Variants in STK33 observed in about 807,000 individuals in gnomAD.
STK33 encodes serine/threonine kinase 33.
STK33 carries 52 observed loss-of-function variants against 58.0 expected under a neutral mutation model. The ratio of observed to expected loss-of-function variants is 0.90; its 90% CI spans 0.72 to 1.13. The LOEUF (loss-of-function observed/expected upper bound fraction) is 1.13. Among genes scored for constraint, STK33 ranks in the 50% most tolerant of loss-of-function variants. The pLI, the probability that STK33 is intolerant of heterozygous loss-of-function variation, is 0.00. For synonymous variants in STK33, 215 were observed against 200.1 expected (o/e 1.07, Z -0.63); for missense variants, 630 against 604.2 (o/e 1.04, Z -0.45).
intron 15 of STK33, among the ~76,000 whole-genome samples, chr11:8,394,107 C>G (rs1033039338): frequency 6.6e-6 from 1 of 152,078 alleles, no homozygotes; most frequent in African/African-American, 2.4e-5. Flanking sequence ...CCTAAGCAAA[C>G]TTCTGGGTTA....
chr11:8,480,870 C>T (rs1949738818), intron 1 of STK33, among the ~76,000 whole-genome samples: 1 of 152,056 alleles, frequency 6.6e-6, no homozygotes, highest in Non-Finnish European at 1.5e-5. Context: ...GAATCTTAAT[C>T]CAATAAGCAA....
intron 1 of STK33, among the ~76,000 whole-genome samples, chr11:8,516,870 G>A (rs1952841248): frequency 6.6e-6 from 1 of 152,198 alleles, no homozygotes; most frequent in Non-Finnish European, 1.5e-5. Context: ...ACAGCTCAAG[G>A]AGGCCTGCCT....
chr11:8,335,164 CCTCGGG>C, the STK33 span, among the ~76,000 whole-genome samples: 8 of 152,306 alleles, frequency 5.3e-5, no homozygotes, highest in African/African-American at 1.9e-4. Context: ...GCCAGAAGTG[CCTCGGG>C]CTGAGGGGGA....
chr11:8,354,770 T>C, the STK33 span, among the ~76,000 whole-genome samples: 1 of 152,222 alleles, frequency 6.6e-6, no homozygotes, highest in Non-Finnish European at 1.5e-5. Context: ...AGAGGAGTGC[T>C]GCAAGACTTG....
chr11:8,369,669 G>A, the STK33 span, among the ~76,000 whole-genome samples: 1 of 152,132 alleles, frequency 6.6e-6, no homozygotes, highest in Non-Finnish European at 1.5e-5. Flanking sequence ...TGATGCCGGA[G>A]CTTAGCAGGC....
chr11:8,424,082 C>A (rs6578964), intron 14 of STK33, among the ~76,000 whole-genome samples: 85,234 of 148,804 alleles, frequency 0.57, 25,075 homozygotes, highest in South Asian at 0.7. Flanking sequence ...TGGTGTGCTG[C>A]ACCCATTAAC....
intron 1 of STK33, among the ~76,000 whole-genome samples, chr11:8,545,872 T>G (rs917484536): frequency 1.3e-5 from 2 of 152,180 alleles, no homozygotes; most frequent in Admixed American, 1.3e-4. Flanking sequence ...TGTCATTGGG[T>G]AATTTATCAT....
chr11:8,532,604 T>C (rs1271397971), intron 1 of STK33, among the ~76,000 whole-genome samples: 3 of 152,224 alleles, frequency 2.0e-5, no homozygotes, highest in Non-Finnish European at 2.9e-5. Context: ...AAAACTAATA[T>C]GACAAATAGT....
At chr11:8,391,062 C>T (rs540144007), downstream of STK33, among the ~76,000 whole-genome samples, 1 of 152,290 alleles carries the variant, frequency 6.6e-6, no homozygotes, top group East Asian at 1.9e-4. Context: ...AACTGCAGTG[C>T]ACACATCTGC....
chr11:8,405,805 A>T (rs1939034487), intron 15 of STK33, among the ~76,000 whole-genome samples: 2 of 152,158 alleles, frequency 1.3e-5, no homozygotes, highest in Non-Finnish European at 2.9e-5. Context: ...TATTAAAAAG[A>T]CTATCATTTA....
chr11:8,477,238 T>C lies in STK33; in HGVS notation c.-227+12A>G, dbSNP rs899286898. 1 of 150,678 alleles carries C rather than the reference T, an allele frequency of 6.6e-6. No individual in the cohort carries two copies. The highest frequency in any genetic ancestry group is 1.5e-5 in the Non-Finnish European group (1 of 67,854). The allele number at this position is 150,678 out of a possible 1,614,324, so 9.3% of individuals were successfully genotyped here. ...AGAATATGTAGCAAGACAAAGAAAA[T>C]TCAGAATGTACCTGTATCACTTTCC... On this transcript the variant is annotated intron_variant, in intron 3 of 15. Coordinates refer to ENST00000687296, the MANE Select transcript of STK33 (RefSeq NM_001352389.2).
At chr11:8,405,386 T>C (rs1938936321) in intron 15 of STK33, among the ~76,000 whole-genome samples, 1 of 152,236 alleles carries the variant, frequency 6.6e-6, no homozygotes, top group Non-Finnish European at 1.5e-5. Flanking sequence ...TATCTTCCTA[T>C]GTGAAGTGTC....
At chr11:8,501,336 C>T (rs148580677) in intron 1 of STK33, among the ~76,000 whole-genome samples, 27 of 152,116 alleles carry the variant, frequency 1.8e-4, no homozygotes, top group Admixed American at 5.9e-4. Context: ...ATTCTTACAA[C>T]TCAAGAATAA....
At chr11:8,371,583 AG>A in the STK33 span, among the ~76,000 whole-genome samples, 2 of 152,180 alleles carry the variant, frequency 1.3e-5, no homozygotes, top group African/African-American at 4.8e-5. Context: ...GGTTCAGATG[AG>A]CAAGAGGACT....
intron 1 of STK33, among the ~76,000 whole-genome samples, chr11:8,503,622 A>G (rs1419375332): frequency 6.6e-6 from 1 of 152,200 alleles, no homozygotes; most frequent in African/African-American, 2.4e-5. Context: ...ACTAAAAGTT[A>G]AAAAGTCTCC....
chr11:8,575,394 T>C (rs901577039), intron 1 of STK33, among the ~76,000 whole-genome samples: 1 of 152,124 alleles, frequency 6.6e-6, no homozygotes, highest in African/African-American at 2.4e-5. Context: ...AACTGTGGTA[T>C]ACGGACACAA....
rs192358036 is a variant in STK33, at chr11:8,518,321, T to C, written c.-465-37707A>G. Among the ~76,000 whole-genome samples the C allele has an allele frequency of 1.4e-3, 207 of 152,288 alleles. 1 individual carries two copies. The highest frequency in any genetic ancestry group is 2.7e-3 in the Non-Finnish European group (186 of 68,024). ...GATTTTGTCACCACCAGGCCTGCCTTACAAGAGCTCCCGAAGGAAGTACTA... is the reference window on the plus strand; with the variant it reads ...GATTTTGTCACCACCAGGCCTGCCTCACAAGAGCTCCCGAAGGAAGTACTA... On this transcript the variant is annotated intron_variant, in intron 1 of 15. Coordinates refer to ENST00000687296, the MANE Select transcript of STK33 (RefSeq NM_001352389.2).
At chr11:8,441,172 G>C (rs7127684) in intron 11 of STK33, among the ~76,000 whole-genome samples, 1 of 151,938 alleles carries the variant, frequency 6.6e-6, no homozygotes, top group African/African-American at 2.4e-5. Context: ...ACTAAGGTAC[G>C]TGGTTATAAA....
intron 1 of STK33, among the ~76,000 whole-genome samples, chr11:8,510,640 AGATTT>A (rs1952240449): frequency 6.6e-6 from 1 of 152,158 alleles, no homozygotes; most frequent in African/African-American, 2.4e-5. Context: ...TTCAAGTCTT[AGATTT>A]GAGTCTTTGA....
Sources: gnomAD v4.1 joint callset for allele counts (sites outside exome capture counted in the v4.1 genomes callset) on GRCh38, gnomAD v4.1.1 for gene constraint, MANE v1.5 for transcripts, NCBI Gene and HGNC (gene_info 2026-07-23, HGNC 2026-07-21) for gene names.